The following DAPK2 variants were observed in gnomAD, a reference collection of about 807,000 sequenced individuals.
The protein encoded by DAPK2 is death-associated protein kinase 2.
In DAPK2, 35 loss-of-function variants were observed where a neutral mutation model predicts 44.1. The observed-to-expected ratio is 0.79, with a 90% confidence interval of 0.61 to 1.05. The LOEUF (loss-of-function observed/expected upper bound fraction) is 1.05. Ranked by LOEUF, DAPK2 falls within the 50% of genes least tolerant of loss-of-function variation. DAPK2 has a pLI of 0.00. For missense variants in DAPK2, 453 were observed against 483.2 expected (o/e 0.94, Z 0.59); for synonymous variants, 174 against 182.6 (o/e 0.95, Z 0.38).
rs150493334 is a variant in DAPK2 at position 63,963,300 on chromosome 15, G to A, written c.453+8123C>T. Among the ~76,000 whole-genome samples the A allele has an allele frequency of 2.7e-3, 405 of 152,276 alleles. 1 individual carries two copies. The highest frequency in any genetic ancestry group is 6.6e-3 in the African/African-American group (275 of 41,550). On this transcript the variant is annotated intron_variant, in intron 3 of 10. Coordinates refer to ENST00000261891, the Ensembl canonical transcript of DAPK2. The stretch of plus-strand genomic sequence containing the variant: ...AATTCCCCGACCCCTTGTGCTTCCC[G>A]AGTGAGGCGATGCCCCTCCCTGCTC...
rs1352051474 is a variant in DAPK2 at position 63,925,678 on chromosome 15, G to GCGCGCACACA, written c.812+262_812+263insTGTGTGCGCG. On this transcript the variant is annotated intron_variant, in intron 7 of 10. Transcript: ENST00000261891. ...AAAGAAACCCAGGCTGACTTGTAGCGCACACACACACACACACACACACAC... is the reference window on the plus strand; with the variant it reads ...AAAGAAACCCAGGCTGACTTGTAGCGCGCGCACACACACACACACACACACACACACACAC... Among the ~76,000 whole-genome samples the GCGCGCACACA allele has an allele frequency of 3.0e-3, 415 of 138,540 alleles. 2 individuals carry two copies. The highest frequency in any genetic ancestry group is 6.5e-3 in the East Asian group (31 of 4,798). 90.9% of individuals were successfully genotyped at this position (138,540 alleles called of 152,430 possible).
chr15:63,926,485 T>A (rs543434260), intron 6 of DAPK2, among the ~76,000 whole-genome samples: 3 of 152,172 alleles, frequency 2.0e-5, no homozygotes, highest in African/African-American at 7.2e-5. Flanking sequence ...GCATCATTTG[T>A]GTCTTGAAGA....
chr15:64,016,693 T>C (rs992858395), intron 1 of DAPK2, among the ~76,000 whole-genome samples: 1 of 151,928 alleles, frequency 6.6e-6, no homozygotes, highest in African/African-American at 2.4e-5. Context: ...CTTCAGAGGC[T>C]GAAGTGGGAA....
intron 1 of DAPK2, among the ~76,000 whole-genome samples, chr15:64,030,958 C>T (rs982781192): frequency 1.4e-4 from 20 of 145,424 alleles, no homozygotes; most frequent in Admixed American, 3.5e-4. Flanking sequence ...CAGAGCAAGA[C>T]CCTGTCTCAA....
intron 4 of DAPK2, among the ~76,000 whole-genome samples, chr15:63,938,537 T>C (rs1452778921): frequency 6.6e-6 from 1 of 152,236 alleles, no homozygotes; most frequent in Non-Finnish European, 1.5e-5. Context: ...GAGGACATCA[T>C]GCCCTCCCTA....
At chr15:63,915,079 G>T (rs1208433114) in intron 8 of DAPK2, among the ~76,000 whole-genome samples, 2 of 152,118 alleles carry the variant, frequency 1.3e-5, no homozygotes, top group African/African-American at 4.8e-5. Flanking sequence ...CTCCCCTAAT[G>T]CTTTAAATCA....
chr15:63,930,484 A>C (rs1455648500), intron 4 of DAPK2, 29 bp from the exon 6 acceptor site: 3 of 1,609,694 alleles, frequency 1.9e-6, no homozygotes, highest in Non-Finnish European at 1.7e-6. Flanking sequence ...AATAGTCAAC[A>C]TGAGTGTGAA....
At position 63,939,759 on chromosome 15, in the gene DAPK2, G is replaced by C. The variant is rs1181800388; in HGVS notation, c.454-398C>G. Among the ~76,000 whole-genome samples the C allele has an allele frequency of 6.6e-6, 1 of 152,214 alleles. No homozygotes were observed. Among genetic ancestry groups the C allele is most frequent in the East Asian group, 1.9e-4 (1 of 5,206 alleles). ...CCAGCACTGCTGTGTGGGTGTGAAA[G>C]GGACGGGGACATCCCAGCTTAGCCT... On this transcript the variant is annotated intron_variant, in intron 3 of 10. Coordinates refer to ENST00000261891, the Ensembl canonical transcript of DAPK2. The surrounding 1 kb of genome is among the most constrained non-coding windows in gnomAD (Gnocchi z 4.3).
exon 1 of DAPK2, chr15:64,040,200 T>G (rs768163831): frequency 6.2e-7 from 1 of 1,613,962 alleles, no homozygotes; most frequent in South Asian, 1.1e-5. Context: ...GTCATAAAAG[T>G]CCTCCACCTT....
chr15:63,925,798 A>G, intron 7 of DAPK2, 143 bp downstream of exon 8: 1 of 1,038,776 alleles, frequency 9.6e-7, no homozygotes, highest in Middle Eastern at 3.0e-4. Flanking sequence ...TGGCTAGGCC[A>G]CACTTTCCAG....
intron 4 of DAPK2, 52 bp from the exon 6 acceptor site, chr15:63,930,507 G>T: frequency 6.3e-7 from 1 of 1,575,054 alleles, no homozygotes; most frequent in Non-Finnish European, 8.7e-7. Flanking sequence ...TGAGAGGAGA[G>T]ATGGTTTTAG....
rs1595710744 is a variant in DAPK2, at chr15:63,923,159, G to T, written c.858+1657C>A. 4 of 1,535,820 alleles carry T rather than the reference G, an allele frequency of 2.6e-6. No individual in the cohort carries two copies. The highest frequency in any genetic ancestry group is 3.5e-6 in the Non-Finnish European group (4 of 1,146,732). ...GATGGTATCGTGGGCCTCCACCAGG[G>T]CACGGCATCCCAGGTCGACCCGAGC... is the stretch of plus-strand genomic sequence containing the variant. On this transcript the variant is annotated intron_variant, in intron 8 of 10. Transcript: ENST00000261891. The surrounding 1 kb of genome is among the most constrained non-coding windows in gnomAD (Gnocchi z 4.2).
At chr15:63,965,043 T>C (rs1342248546) in intron 3 of DAPK2, among the ~76,000 whole-genome samples, 1 of 152,182 alleles carries the variant, frequency 6.6e-6, no homozygotes, top group African/African-American at 2.4e-5. Context: ...AAGAATTAGG[T>C]ATTTATTCTA....
intron 1 of DAPK2, among the ~76,000 whole-genome samples, chr15:64,038,147 C>T (rs1173191597): frequency 6.6e-6 from 1 of 152,240 alleles, no homozygotes; most frequent in African/African-American, 2.4e-5. Flanking sequence ...GTCCCACTCC[C>T]CACAACTTCT....
intron 3 of DAPK2, chr15:63,942,182 G>C (rs756282460): frequency 9.0e-5 from 88 of 982,510 alleles, no homozygotes; most frequent in Non-Finnish European, 9.5e-5. Flanking sequence ...AATAAGATGG[G>C]AGTCTCCTTC....
chr15:63,992,142 TTGTCAAA>T (rs1233978554), intron 1 of DAPK2, among the ~76,000 whole-genome samples: 2 of 152,246 alleles, frequency 1.3e-5, no homozygotes, highest in African/African-American at 2.4e-5. Flanking sequence ...TTTGATGCTG[TTGTCAAA>T]TGAGCTCAAG....
intron 3 of DAPK2, among the ~76,000 whole-genome samples, chr15:63,946,811 G>A (rs1595775763): frequency 6.6e-6 from 1 of 152,200 alleles, no homozygotes; most frequent in East Asian, 1.9e-4. Context: ...GGGCTGTGCT[G>A]TGGGGACAAG....
At chr15:64,017,713 A>G (rs1401370958) in intron 1 of DAPK2, among the ~76,000 whole-genome samples, 3 of 152,234 alleles carry the variant, frequency 2.0e-5, no homozygotes, top group African/African-American at 7.2e-5. Context: ...AAATGTAGCC[A>G]TGAGCATTGA....
At chr15:63,938,600 C>G (rs1010748091) in intron 4 of DAPK2, among the ~76,000 whole-genome samples, 1 of 152,238 alleles carries the variant, frequency 6.6e-6, no homozygotes, top group South Asian at 2.1e-4. Context: ...TGGTTCTCAG[C>G]GCTCATTCCT....
Sources: allele counts gnomAD v4.1 joint callset (sites outside exome capture counted in the v4.1 genomes callset), GRCh38; gene constraint gnomAD v4.1.1; non-coding constraint Gnocchi (gnomAD v3.1); transcripts MANE v1.5; gene names NCBI Gene and HGNC (gene_info 2026-07-23, HGNC 2026-07-21).